The following XYLT1 variants were observed in gnomAD, a reference collection of about 807,000 sequenced individuals.
XYLT1 encodes beta-D-xylosyltransferase 1.
Under a neutral mutation model 91.3 loss-of-function variants are expected in XYLT1, and 36 were observed. The observed-to-expected ratio is 0.39, with a 90% CI of 0.30 to 0.52. The LOEUF is 0.52. XYLT1 is among the 20% of genes least tolerant of loss of function. The pLI is 0.68. For synonymous variants in XYLT1, 588 were observed against 532.0 expected, an observed-to-expected ratio of 1.11 and a Z score of -1.45; for missense variants, 1,242 against 1,284.5, an observed-to-expected ratio of 0.97 and a Z score of 0.51.
At chr16:17,411,723 C>T (rs972117730) in intron 1 of XYLT1, among the ~76,000 whole-genome samples, 9 of 152,272 alleles carry the variant, frequency 5.9e-5, no homozygotes, top group East Asian at 3.9e-4. Flanking sequence ...GTGGTACATT[C>T]GGCTTCACCT....
At chr16:17,157,722 C>G (rs150042107) in intron 6 of XYLT1, among the ~76,000 whole-genome samples, 1 of 152,084 alleles carries the variant, frequency 6.6e-6, no homozygotes, top group Non-Finnish European at 1.5e-5. Context: ...TCAGAGCCAC[C>G]CTGGACTGGT....
At chr16:17,147,783 C>T (rs2031174058) in intron 6 of XYLT1, among the ~76,000 whole-genome samples, 1 of 152,110 alleles carries the variant, frequency 6.6e-6, no homozygotes, top group Non-Finnish European at 1.5e-5. Context: ...CCTTTCTTTA[C>T]CATAACTTGA....
chr16:17,275,833 T>G (rs1307386384), intron 2 of XYLT1, among the ~76,000 whole-genome samples: 1 of 152,122 alleles, frequency 6.6e-6, no homozygotes, highest in Non-Finnish European at 1.5e-5. Flanking sequence ...AAACTCATCC[T>G]TTGCCTGTGT....
At chr16:17,206,091 G>C (rs1409668632) in intron 3 of XYLT1, among the ~76,000 whole-genome samples, 1 of 152,170 alleles carries the variant, frequency 6.6e-6, no homozygotes, top group Admixed American at 6.5e-5. Context: ...ATTTAGGAAA[G>C]ACACCGCCCC....
At chr16:17,440,098 C>A (rs950576124) in intron 1 of XYLT1, among the ~76,000 whole-genome samples, 3 of 152,202 alleles carry the variant, frequency 2.0e-5, no homozygotes, top group African/African-American at 7.2e-5. Context: ...CTGTAAGAGG[C>A]TTCCAGCTAA....
intron 1 of XYLT1, among the ~76,000 whole-genome samples, chr16:17,459,785 C>T (rs1362301916): frequency 6.6e-6 from 1 of 152,168 alleles, no homozygotes; most frequent in Non-Finnish European, 1.5e-5. Context: ...TTTCCCCCTG[C>T]TGTGCATAAG....
At chr16:17,380,476 T>C (rs2141883064) in intron 1 of XYLT1, among the ~76,000 whole-genome samples, 1 of 152,330 alleles carries the variant, frequency 6.6e-6, no homozygotes, top group Admixed American at 6.5e-5. Flanking sequence ...AGGAGAAGTC[T>C]CCTATTTTAT....
intron 1 of XYLT1, among the ~76,000 whole-genome samples, chr16:17,415,946 G>A (rs368019184): frequency 3.9e-5 from 6 of 152,212 alleles, no homozygotes; most frequent in African/African-American, 1.4e-4. Flanking sequence ...CAAGCATGAA[G>A]GTCCCCAAAT....
chr16:17,459,109 C>T (rs866792339), intron 1 of XYLT1, among the ~76,000 whole-genome samples: 4 of 152,164 alleles, frequency 2.6e-5, no homozygotes, highest in South Asian at 2.1e-4. Flanking sequence ...TGGTGGCTCA[C>T]GCCTGTAATC....
At chr16:17,435,236 G>A (rs150880849) in intron 1 of XYLT1, among the ~76,000 whole-genome samples, 92 of 152,268 alleles carry the variant, frequency 6.0e-4, no homozygotes, top group Middle Eastern at 3.4e-3. Flanking sequence ...CTGGAAGCAC[G>A]CACAGAACTC....
chr16:17,327,522 C>A (rs2034826693), intron 2 of XYLT1, among the ~76,000 whole-genome samples: 1 of 149,470 alleles, frequency 6.7e-6, no homozygotes, highest in African/African-American at 2.5e-5. Flanking sequence ...ACCACCATGC[C>A]CGGCTAATTT....
intron 2 of XYLT1, 71 bp from the exon 3 acceptor site, chr16:17,259,569 A>G: frequency 1.9e-6 from 3 of 1,544,592 alleles, no homozygotes; most frequent in Non-Finnish European, 2.6e-6. Flanking sequence ...TGGCCTTTGA[A>G]GAGTGAGTCA....
At chr16:17,325,925 G>A (rs542002052) in intron 2 of XYLT1, among the ~76,000 whole-genome samples, 2 of 152,320 alleles carry the variant, frequency 1.3e-5, no homozygotes, top group East Asian at 3.9e-4. Context: ...AAGCCCCTAT[G>A]TTCAGGAGGG....
chr16:17,166,783 G>C (rs951482150), intron 5 of XYLT1, among the ~76,000 whole-genome samples: 3 of 151,866 alleles, frequency 2.0e-5, no homozygotes, highest in African/African-American at 7.3e-5. Context: ...AAAGTGCTGG[G>C]ACCACAGACA....
chr16:17,407,197 C>T (rs1019820319), intron 1 of XYLT1, among the ~76,000 whole-genome samples: 11 of 152,152 alleles, frequency 7.2e-5, no homozygotes, highest in Admixed American at 5.2e-4. Flanking sequence ...GATGGGGTTT[C>T]GCCATGTTGG....
chr16:17,171,141 C>T (rs2031811572), intron 5 of XYLT1, among the ~76,000 whole-genome samples: 1 of 152,018 alleles, frequency 6.6e-6, no homozygotes. Context: ...GTAACCTAGC[C>T]CACAGAATGC....
chr16:17,156,769 A>T lies in XYLT1; in HGVS notation c.1370+2060T>A, dbSNP rs148224194. ...TACTCTTAGTGGCCTGAGCGTAGTA[A>T]ACTAATCTGTGCTAATTTACAGAGC... On this transcript the variant is annotated intron_variant, in intron 6 of 11. Coordinates refer to ENST00000261381, the MANE Select transcript of XYLT1 (RefSeq NM_022166.4). 5.2e-3 allele frequency among the ~76,000 whole-genome samples: 798 copies of T among 152,288 alleles called. 3 individuals are homozygous for T. The highest frequency in any genetic ancestry group is 6.9e-3 in the Non-Finnish European group (469 of 68,030).
intron 1 of XYLT1, among the ~76,000 whole-genome samples, chr16:17,400,791 C>T (rs955265676): frequency 2.6e-5 from 4 of 151,782 alleles, no homozygotes; most frequent in Admixed American, 6.6e-5. Context: ...GGAGTTAGAG[C>T]GAGGAAGGCC....
chr16:17,187,792 A>T (rs113107083), intron 5 of XYLT1, among the ~76,000 whole-genome samples: 2,457 of 150,662 alleles, frequency 0.016, 67 homozygotes, highest in African/African-American at 0.055. Flanking sequence ...TTATCACTTT[A>T]AAAAAAAAGA....
Sources: gnomAD v4.1 joint callset for allele counts (sites outside exome capture counted in the v4.1 genomes callset) on GRCh38, gnomAD v4.1.1 for gene constraint, MANE v1.5 for transcripts, NCBI Gene and HGNC (gene_info 2026-07-23, HGNC 2026-07-21) for gene names.